The following ABL1 variants were observed in gnomAD, a reference collection of about 807,000 sequenced individuals.
The protein encoded by ABL1 is ABL proto-oncogene 1, non-receptor tyrosine kinase.
Under a neutral mutation model 94.7 loss-of-function variants are expected in ABL1, and 11 were observed. The observed-to-expected ratio is 0.12, with a 90% CI of 0.07 to 0.19. The LOEUF is 0.19. Ranked by LOEUF, ABL1 falls within the 10% of genes least tolerant of loss-of-function variation. The pLI is 1.00. For synonymous variants in ABL1, 656 were observed against 622.4 expected, an observed-to-expected ratio of 1.05 and a Z score of -0.80; for missense variants, 1,082 against 1,489.4, an observed-to-expected ratio of 0.73 and a Z score of 4.50.
In ABL1 at chr9:130,880,353, G is replaced by A. The variant is rs1160505158; in HGVS notation, c.1514-147G>A. 4 of 1,087,026 alleles carry A rather than the reference G, an allele frequency of 3.7e-6. No individual in the cohort carries two copies. The highest frequency in any genetic ancestry group is 2.4e-5 in the Admixed American group (1 of 41,320). 67.3% of individuals were successfully genotyped at this position (1,087,026 alleles called of 1,614,324 possible). A position where few individuals can be genotyped will look rare whatever the true frequency, so the allele number is the denominator to read the frequency against. On this transcript the variant is annotated intron_variant, in intron 9 of 10. Transcript: ENST00000318560. This position sits in a 1 kb window ranked among gnomAD's most constrained non-coding sequence, Gnocchi z 4.4. ...CTGCAGAGTTCTAAGAAATGCTAAG[G>A]GCTGTTTCTCCGGTATCCACGTGCC...
rs1429520670 is a variant in ABL1 at position 130,835,539 on chromosome 9, G to A, written c.79+14G>A. The A allele has an allele frequency of 1.3e-6, 2 of 1,548,002 alleles. No individual in the cohort carries two copies. Among genetic ancestry groups the A allele is most frequent in the Non-Finnish European group, 1.7e-6 (2 of 1,144,562 alleles). On this transcript the variant is annotated intron_variant, in intron 1 of 10. Coordinates refer to ENST00000318560, the MANE Select transcript of ABL1 (RefSeq NM_005157.6). The surrounding 1 kb of genome is among the most constrained non-coding windows in gnomAD (Gnocchi z 4.6). ...GTTATCTGGAAGGTAAGCCCGGGCC[G>A]CACGGGTTGGGCTGAGTAGCCGCGC...
chr9:130,806,386 T>C (rs1830125850), intron 1 of ABL1, among the ~76,000 whole-genome samples: 1 of 152,236 alleles, frequency 6.6e-6, no homozygotes, highest in Non-Finnish European at 1.5e-5. Flanking sequence ...TCCAAGGTGA[T>C]TTAATTACTG....
chr9:130,865,286 G>A (rs1212337451), intron 4 of ABL1, among the ~76,000 whole-genome samples: 1 of 152,198 alleles, frequency 6.6e-6, no homozygotes. Context: ...TTAGGGAAAA[G>A]GCAGTATGTC....
intron 1 of ABL1, among the ~76,000 whole-genome samples, chr9:130,838,214 T>G (rs1216919151): frequency 6.6e-6 from 1 of 152,196 alleles, no homozygotes; most frequent in Non-Finnish European, 1.5e-5. Context: ...GGTACTGGAA[T>G]TTGAACTCAT....
At chr9:130,853,207 A>G (rs1423296053) in intron 1 of ABL1, among the ~76,000 whole-genome samples, 2 of 111,564 alleles carry the variant, frequency 1.8e-5, no homozygotes, top group South Asian at 2.8e-4. Flanking sequence ...ATGGAGTCTC[A>G]CTCTGTCACC....
chr9:130,849,414 C>G (rs547333163), intron 1 of ABL1, among the ~76,000 whole-genome samples: 2 of 152,316 alleles, frequency 1.3e-5, no homozygotes, highest in South Asian at 4.1e-4. Flanking sequence ...AAATCTTACC[C>G]ACACTGGCTG....
chr9:130,837,037 T>C (rs1012613901), intron 1 of ABL1, among the ~76,000 whole-genome samples: 4 of 152,200 alleles, frequency 2.6e-5, no homozygotes, highest in African/African-American at 7.2e-5. Context: ...ACTAGTGATG[T>C]GGGTGAAACC....
intron 1 of ABL1, among the ~76,000 whole-genome samples, chr9:130,849,122 T>TA (rs979862209): frequency 2.6e-5 from 4 of 152,230 alleles, no homozygotes; most frequent in African/African-American, 9.6e-5. Flanking sequence ...TTCTCAAACT[T>TA]AAATATTTTT....
chr9:130,723,664 T>C (rs1391454534), intron 1 of ABL1, among the ~76,000 whole-genome samples: 1 of 152,206 alleles, frequency 6.6e-6, no homozygotes, highest in Non-Finnish European at 1.5e-5. Context: ...CATTAAATTT[T>C]CTGTAACTTC....
Position 130,828,005 on chromosome 9 carries a change from G to T in ABL1, c.137-26059G>T, listed in dbSNP as rs373679740. Among the ~76,000 whole-genome samples the T allele has an allele frequency of 4.6e-5, 7 of 150,890 alleles. No individual in the cohort carries two copies. The East Asian group carries it at 1.4e-3, about 29-fold the overall frequency. ...ATTCTTTGCTATCCTTGGAGAGAGA[G>T]ATTGCAAATGTCAGAAAACAGGATG... On this transcript the variant is annotated intron_variant, in intron 1 of 10. Coordinates refer to the ABL1 transcript ENST00000372348.
intron 1 of ABL1, among the ~76,000 whole-genome samples, chr9:130,718,283 A>G (rs1036878789): frequency 1.4e-5 from 2 of 141,378 alleles, no homozygotes; most frequent in Non-Finnish European, 3.0e-5. Flanking sequence ...GCACCACTGC[A>G]CTTCAGCCTG....
At chr9:130,721,460 G>T (rs1831512882) in intron 1 of ABL1, among the ~76,000 whole-genome samples, 1 of 152,124 alleles carries the variant, frequency 6.6e-6, no homozygotes, top group African/African-American at 2.4e-5. Flanking sequence ...TGTAATCCCA[G>T]CACTTTGGGA....
chr9:130,766,169 G>A (rs1006844647), intron 1 of ABL1, among the ~76,000 whole-genome samples: 1 of 152,210 alleles, frequency 6.6e-6, no homozygotes, highest in Non-Finnish European at 1.5e-5. Context: ...TCAAGAATGC[G>A]GCCATGGCAC....
Position 130,854,143 on chromosome 9 carries a change from C to T in ABL1, c.159C>T (p.Asn53=), listed in dbSNP as rs1469074878. The part of the protein sequence containing the change: ...SEAARWNSKE[N]LLAGPSENDP... ...CCGCTCGTTGGAACTCCAAGGAAAA[C>T]CTTCTCGCTGGACCCAGTGAAAATG... The change falls in exon 2 of 11, where the codon AAC becomes AAT. Residue 53 remains asparagine (N), a synonymous_variant. Coordinates refer to ENST00000318560, the MANE Select transcript of ABL1 (RefSeq NM_005157.6). The T allele has an allele frequency of 3.7e-6, 6 of 1,614,216 alleles. No homozygotes were observed. In the South Asian group the frequency reaches 5.5e-5, roughly 15 times the overall value.
intron 1 of ABL1, among the ~76,000 whole-genome samples, chr9:130,751,129 C>T (rs1214015594): frequency 1.2e-4 from 7 of 57,466 alleles, no homozygotes; most frequent in Admixed American, 5.3e-4. Flanking sequence ...TTTTATTCAG[C>T]TTTTTTTTTT....
intron 1 of ABL1, among the ~76,000 whole-genome samples, chr9:130,801,072 G>T (rs34385892): frequency 0.15 from 22,500 of 151,760 alleles, 2,155 homozygotes; most frequent in African/African-American, 0.27. Flanking sequence ...TGGGATTACA[G>T]GGGCCCGCCA....
At chr9:130,779,602 A>C (rs1394221660) in intron 1 of ABL1, among the ~76,000 whole-genome samples, 1 of 152,096 alleles carries the variant, frequency 6.6e-6, no homozygotes, top group Non-Finnish European at 1.5e-5. Flanking sequence ...GGAGGTTATA[A>C]ATTTCTAGAG....
chr9:130,807,668 TTATATA>T (rs35665086), intron 1 of ABL1, among the ~76,000 whole-genome samples: 33 of 113,280 alleles, frequency 2.9e-4, no homozygotes, highest in Middle Eastern at 6.0e-3. Flanking sequence ...TTCCTTAATT[TTATATA>T]TATATATATA....
chr9:130,812,220 AAAATT>A (rs1447207919), intron 1 of ABL1, among the ~76,000 whole-genome samples: 1 of 149,652 alleles, frequency 6.7e-6, no homozygotes, highest in Admixed American at 6.6e-5. Context: ...AAAAAAAAAA[AAAATT>A]AGCCAGGTGT....
Sources: gnomAD v4.1 joint callset for allele counts (sites outside exome capture counted in the v4.1 genomes callset) on GRCh38, gnomAD v4.1.1 for gene constraint, Gnocchi (gnomAD v3.1) non-coding constraint, MANE v1.5 for transcripts, NCBI Gene and HGNC (gene_info 2026-07-23, HGNC 2026-07-21) for gene names.